The following FAM9A variants were observed in gnomAD, a reference collection of about 807,000 sequenced individuals.
FAM9A encodes the protein protein FAM9A.
In FAM9A, 49 loss-of-function variants were observed where a neutral mutation model predicts 25.0. That is an observed-to-expected ratio of 1.96 (90% CI 1.56 to 2.48). The LOEUF is 2.48. Among genes scored for constraint, FAM9A ranks in the 30% most tolerant of loss-of-function variants. The pLI, the probability that FAM9A is intolerant of heterozygous loss-of-function variation, is 0.00. For synonymous variants in FAM9A, 80 were observed against 85.1 expected, an observed-to-expected ratio of 0.94 and a Z score of 0.33; for missense variants, 266 against 249.3, an observed-to-expected ratio of 1.07 and a Z score of -0.45.
In FAM9A at chrX:8,791,291, G is replaced by A. The variant is rs61732570; in HGVS notation, c.*20C>T. Reference sequence around the variant, plus strand: ...TATGCACTACTTACAGTTCTGACACGATTCTTTTTAAAAACACGGCTAGTT... The same window carrying A: ...TATGCACTACTTACAGTTCTGACACAATTCTTTTTAAAAACACGGCTAGTT... On this transcript the variant is annotated 3_prime_UTR_variant, in exon 9 of 10. Coordinates refer to ENST00000381003, the MANE Select transcript of FAM9A (RefSeq NM_174951.3). The A allele has an allele frequency of 3.6e-3, 4,244 of 1,182,638 alleles. 92 individuals carry two copies. In the African/African-American group the frequency reaches 0.065, roughly 18 times the overall value.
At chrX:8,796,678 CAG>C (rs1933538263) in intron 5 of FAM9A, among the ~76,000 whole-genome samples, 1 of 111,927 alleles carries the variant, frequency 8.9e-6, no homozygotes, top group Non-Finnish European at 1.9e-5. Context: ...GTTACAAACA[CAG>C]ACTCTAATTT....
intron 8 of FAM9A, 91 bp downstream of exon 8, chrX:8,793,567 T>C (rs1468256746): frequency 6.8e-6 from 5 of 733,506 alleles, no homozygotes; most frequent in Non-Finnish European, 1.0e-5. Context: ...ATAACCAAAA[T>C]GTCTTTCCAT....
Position 8,801,023 on chromosome X carries a change from T to TCGCCCTGACCCAGGCCCC in FAM9A, c.-39+270_-39+287dup, listed in dbSNP as rs1340812430. Among the ~76,000 whole-genome samples the TCGCCCTGACCCAGGCCCC allele has an allele frequency of 3.5e-5, 3 of 86,269 alleles. No individual in the cohort carries two copies. In the East Asian group the frequency reaches 1.2e-3, roughly 35 times the overall value. 74.9% of individuals were successfully genotyped at this position (86,269 alleles called of 115,157 possible). A position where few individuals can be genotyped will look rare whatever the true frequency, so the allele number is the denominator to read the frequency against. ...CCCATCCCAGCCCACCCTCAGGGCCTCGCCCTGACCCAGGCCCCAGGCAAC... is the reference window on the plus strand; with the variant it reads ...CCCATCCCAGCCCACCCTCAGGGCCTCGCCCTGACCCAGGCCCCCGCCCTGACCCAGGCCCCAGGCAAC... On this transcript the variant is annotated intron_variant, in intron 1 of 9. Coordinates refer to ENST00000381003, the MANE Select transcript of FAM9A (RefSeq NM_174951.3).
Position 8,799,088 on chromosome X carries a change from C to T in FAM9A, c.98G>A (p.Gly33Glu), listed in dbSNP as rs373467378. ...CTGTCCTGGGAAGTTAGAGGCGATC[C>T]CTGAACCTGGTTGAGTGCAAAGTCA... is the stretch of plus-strand genomic sequence containing the variant. The part of the protein sequence containing the change: ...AAQGATKEGS[G>E]IASNFPGQPT... The change falls in exon 3 of 10, where the codon GGG (glycine) becomes GAG (glutamate). Residue 33 changes from glycine to glutamate, a missense_variant. Physicochemically the swap from Gly to Glu is moderately conservative, Grantham distance 98. Coordinates refer to ENST00000381003, the MANE Select transcript of FAM9A (RefSeq NM_174951.3). 105 of 1,206,746 alleles carry T rather than the reference C, an allele frequency of 8.7e-5. No homozygotes were observed. Among genetic ancestry groups the T allele is most frequent in the Non-Finnish European group, 1.2e-4 (104 of 892,724 alleles).
chrX:8,793,812 CAT>C (rs1933496399), intron 7 of FAM9A, 56 bp from the exon 8 acceptor site: 3 of 763,606 alleles, frequency 3.9e-6, no homozygotes, highest in East Asian at 3.2e-5. Flanking sequence ...ACTTACAAAA[CAT>C]AATTCTGCAT....
rs753770002 is a variant in FAM9A at position 8,799,175 on chromosome X, G to A, written c.92-81C>T. ...AGAGCCAACGGGATCTCGGATTCAA[G>A]AAAGGGTGGGGCTGGCCCACCCCGT... is the stretch of plus-strand genomic sequence containing the variant. On this transcript the variant is annotated intron_variant, in intron 2 of 9. Transcript: ENST00000381003. 2.0e-3 allele frequency: 2,133 copies of A among 1,040,738 alleles called. 2 individuals carry two copies. Among genetic ancestry groups the A allele is most frequent in the Non-Finnish European group, 2.0e-3 (1,579 of 772,682 alleles). The allele number at this position is 1,040,738 out of a possible 1,213,427, so 85.8% of individuals were successfully genotyped here. A position where few individuals can be genotyped will look rare whatever the true frequency, so the allele number is the denominator to read the frequency against.
At position 8,795,319 on chromosome X, in the gene FAM9A, G is replaced by T; in HGVS notation, c.590C>A (p.Ala197Glu). ...TGCTGCGGCTTCTGCTGCTGCTGCTGCGGCTTCTGCTTCTTCTGCTTCATC... is the reference window on the plus strand; with the variant it reads ...TGCTGCGGCTTCTGCTGCTGCTGCTTCGGCTTCTGCTTCTTCTGCTTCATC... ...KDDEAEEAEAAAAAAEAAAAA... is the reference protein window; with the variant it reads ...KDDEAEEAEAEAAAAEAAAAA... The change falls in exon 7 of 10, where the codon GCA (alanine) becomes GAA (glutamate). Residue 197 changes from alanine (A) to glutamate (E), a missense_variant. Physicochemically the swap from Ala to Glu is moderately radical, Grantham distance 107. Transcript: ENST00000381003. The T allele has an allele frequency of 8.3e-7, 1 of 1,206,730 alleles. No individual in the cohort carries two copies. Among genetic ancestry groups the T allele is most frequent in the African/African-American group, 1.7e-5 (1 of 57,497 alleles).
intron 8 of FAM9A, among the ~76,000 whole-genome samples, chrX:8,791,991 A>G (rs1035862796): frequency 1.8e-5 from 2 of 112,310 alleles, no homozygotes; most frequent in East Asian, 2.8e-4. Context: ...TATAACTGCT[A>G]TGGAAGGGCA....
intron 3 of FAM9A, among the ~76,000 whole-genome samples, 189 bp from the exon 4 acceptor site, chrX:8,798,668 C>G (rs1449284463): frequency 8.9e-6 from 1 of 112,655 alleles, no homozygotes; most frequent in Non-Finnish European, 1.9e-5. Context: ...CCTTCCGGTT[C>G]AAGTCCTAGT....
rs781530320 is a variant in FAM9A, at chrX:8,800,679, C to A, written c.-38-470G>T. Among the ~76,000 whole-genome samples, 6 of 100,415 alleles carry A rather than the reference C, an allele frequency of 6.0e-5. No individual in the cohort carries two copies. The East Asian group carries it at 1.6e-3, about 27-fold the overall frequency. The allele number at this position is 100,415 out of a possible 115,157, so 87.2% of individuals were successfully genotyped here. A position where few individuals can be genotyped will look rare whatever the true frequency, so the allele number is the denominator to read the frequency against. On this transcript the variant is annotated intron_variant, in intron 1 of 9. Transcript: ENST00000381003. Reference sequence around the variant, plus strand: ...AGGGACCCACTCGAACTGTCCCCCACAACACCCCTGCTTGTCGCCTCCCCA... The same window carrying A: ...AGGGACCCACTCGAACTGTCCCCCAAAACACCCCTGCTTGTCGCCTCCCCA...
intron 2 of FAM9A, 21 bp downstream of exon 2, chrX:8,800,059 GA>G: frequency 8.3e-7 from 1 of 1,205,882 alleles, no homozygotes; most frequent in East Asian, 3.0e-5. Context: ...AGAGCAAACA[GA>G]CCATCTCCTT....
chrX:8,800,258 T>A, intron 1 of FAM9A, 49 bp from the exon 2 acceptor site: 1 of 1,066,022 alleles, frequency 9.4e-7, no homozygotes, highest in Non-Finnish European at 1.3e-6. Flanking sequence ...ACAGGATATG[T>A]GAAAGGAGAG....
chrX:8,793,804 T>C, intron 7 of FAM9A, 48 bp from the exon 8 acceptor site: 1 of 862,266 alleles, frequency 1.2e-6, no homozygotes, highest in East Asian at 3.1e-5. Flanking sequence ...TTTTTAATAC[T>C]TACAAAACAT....
intron 8 of FAM9A, among the ~76,000 whole-genome samples, chrX:8,791,682 C>T (rs1279033879): frequency 9.0e-6 from 1 of 111,540 alleles, no homozygotes; most frequent in Non-Finnish European, 1.9e-5. Flanking sequence ...GTCAGGCAGG[C>T]TTACCATGAA....
intron 5 of FAM9A, 54 bp from the exon 6 acceptor site, chrX:8,796,436 G>T: frequency 3.8e-6 from 3 of 784,517 alleles, no homozygotes; most frequent in South Asian, 2.4e-5. Flanking sequence ...TGGTTTCTTC[G>T]CATATATTGA....
intron 3 of FAM9A, 22 bp downstream of exon 3, chrX:8,798,944 T>C (rs779368127): frequency 1.7e-6 from 2 of 1,212,075 alleles, no homozygotes; most frequent in African/African-American, 3.4e-5. Flanking sequence ...CCTTCTTTTC[T>C]GGCCCCTTGG....
At position 8,799,045 on chromosome X, in the gene FAM9A, C is replaced by T; in HGVS notation, c.141G>A (p.Val47=). The T allele has an allele frequency of 8.2e-7, 1 of 1,212,361 alleles. No individual in the cohort carries two copies. The highest frequency in any genetic ancestry group is 1.7e-5 in the African/African-American group (1 of 58,025). The stretch of plus-strand genomic sequence containing the variant: ...CAGCCTTCCTGCTGCGCTTCCTGCC[C>T]ACGGGCTCCATGGTTGGCTGTCCTG... ...NFPGQPTMEP[V]GRKRSRKAAK... The change falls in exon 3 of 10, where the codon GTG becomes GTA. Residue 47 remains valine (V), a synonymous_variant. Coordinates refer to ENST00000381003, the MANE Select transcript of FAM9A (RefSeq NM_174951.3).
rs764137632 is a variant in FAM9A, at chrX:8,795,206, C to A, written c.703G>T (p.Glu235Ter). Reference sequence around the variant, plus strand: ...TCTTCTTCTCCTTCTTCTTCCTCCTCTTCTTTCTCCTCCTCCTCCTCCTTC... The same window carrying A: ...TCTTCTTCTCCTTCTTCTTCCTCCTATTCTTTCTCCTCCTCCTCCTCCTTC... The part of the protein sequence containing the change: ...EEKEEEEEKE[E>*]EEEEGEEEGG... Residue 235 changes from glutamate to a stop codon, truncating the protein, a stop_gained, in exon 7 of 10, where the codon GAG becomes TAG. Transcript: ENST00000381003. LOFTEE classifies it high-confidence loss of function. 4 of 1,066,137 alleles carry A rather than the reference C, an allele frequency of 3.8e-6. No homozygotes were observed. The highest frequency in any genetic ancestry group is 5.1e-6 in the Non-Finnish European group (4 of 787,017). 87.9% of individuals were successfully genotyped at this position (1,066,137 alleles called of 1,213,427 possible).
At position 8,800,143 on chromosome X, in the gene FAM9A, C is replaced by T; in HGVS notation, c.29G>A (p.Arg10Lys). 2 of 1,209,588 alleles carry T rather than the reference C, an allele frequency of 1.7e-6. No individual in the cohort carries two copies. Among genetic ancestry groups the T allele is most frequent in the Middle Eastern group, 2.3e-4 (1 of 4,325 alleles). Residue 10 changes from arginine to lysine, a missense_variant, in exon 2 of 10, where the codon AGG becomes AAG. Arg to Lys is a conservative substitution (Grantham distance 26). Transcript: ENST00000381003. ...TTCCAACTGAGCTTTGGCAGCCTTC[C>T]TGCTGCGCTTCCTGCCCACGGGCTC... is the stretch of plus-strand genomic sequence containing the variant. MEPVGRKRS[R>K]KAAKAQLEAQ...
Sources: allele counts gnomAD v4.1 joint callset (sites outside exome capture counted in the v4.1 genomes callset), GRCh38; gene constraint gnomAD v4.1.1; transcripts MANE v1.5; gene names NCBI Gene and HGNC (gene_info 2026-07-23, HGNC 2026-07-21).